Variants in NFIB observed in about 807,000 individuals in gnomAD.
NFIB encodes nuclear factor I B, also known as nuclear factor 1 B-type.
In NFIB, 11 loss-of-function variants were observed where a neutral mutation model predicts 61.5. The observed-to-expected ratio is 0.18, with a 90% CI of 0.11 to 0.30. NFIB has a LOEUF of 0.30. NFIB is among the 10% of genes least tolerant of loss of function. NFIB has a pLI of 1.00. For synonymous variants in NFIB, 260 were observed against 216.5 expected (o/e 1.20, Z -1.76); for missense variants, 471 against 608.9 (o/e 0.77, Z 2.38).
chr9:14,398,468 G>A lies in NFIB; in HGVS notation c.108+56C>T, dbSNP rs2061709719. ...CCCCACACTGAGACACATTGTCTAA[G>A]AAGTTGGGACCTATTTGAAAGAAAA... On this transcript the variant is annotated intron_variant, in intron 1 of 8. Transcript: ENST00000380934. The A allele has an allele frequency of 1.0e-5, 13 of 1,266,326 alleles. No individual in the cohort carries two copies. The East Asian group carries it at 2.8e-4, about 27-fold the overall frequency. The allele number at this position is 1,266,326 out of a possible 1,614,324, so 78.4% of individuals were successfully genotyped here.
intron 1 of NFIB, among the ~76,000 whole-genome samples, chr9:14,346,270 A>T (rs2061018300): frequency 6.8e-6 from 1 of 146,090 alleles, no homozygotes; most frequent in East Asian, 2.0e-4. Flanking sequence ...TCATATCCGC[A>T]GTCACACGAG....
the NFIB span, among the ~76,000 whole-genome samples, chr9:14,455,980 T>C: frequency 1.3e-5 from 2 of 152,182 alleles, no homozygotes; most frequent in Non-Finnish European, 2.9e-5. Flanking sequence ...GTATCATTAA[T>C]AGTCAGTGGG....
At chr9:14,433,996 A>G in the NFIB span, among the ~76,000 whole-genome samples, 3 of 152,144 alleles carry the variant, frequency 2.0e-5, no homozygotes, top group Admixed American at 6.5e-5. Flanking sequence ...AGTACTAACC[A>G]CTATACGATC....
At chr9:14,338,622 C>A (rs1157270623) in intron 1 of NFIB, among the ~76,000 whole-genome samples, 1 of 152,096 alleles carries the variant, frequency 6.6e-6, no homozygotes, top group Non-Finnish European at 1.5e-5. Flanking sequence ...AAAGATTAAA[C>A]CAGAAAACAT....
the NFIB span, among the ~76,000 whole-genome samples, chr9:14,464,733 G>A: frequency 6.6e-6 from 1 of 152,150 alleles, no homozygotes; most frequent in Non-Finnish European, 1.5e-5. Flanking sequence ...GAACCCTAAA[G>A]ATCTCAGTGG....
chr9:14,163,768 T>C (rs2044462802), intron 3 of NFIB, among the ~76,000 whole-genome samples: 1 of 151,962 alleles, frequency 6.6e-6, no homozygotes, highest in Admixed American at 6.6e-5. Context: ...TACTGATATG[T>C]TCATGGAACT....
chr9:14,415,378 A>G, the NFIB span, among the ~76,000 whole-genome samples: 1 of 152,190 alleles, frequency 6.6e-6, no homozygotes, highest in Non-Finnish European at 1.5e-5. Context: ...GACTTATACC[A>G]TATACTATGT....
chr9:14,160,608 T>C (rs1038591413), intron 3 of NFIB, among the ~76,000 whole-genome samples: 8 of 152,062 alleles, frequency 5.3e-5, no homozygotes, highest in Admixed American at 4.6e-4. Context: ...TAAAAAGGCA[T>C]GTGAAATTTT....
chr9:14,498,183 C>T, the NFIB span, among the ~76,000 whole-genome samples: 1 of 152,194 alleles, frequency 6.6e-6, no homozygotes, highest in African/African-American at 2.4e-5. Context: ...GACTTAAATC[C>T]AGATCATTTT....
intron 1 of NFIB, among the ~76,000 whole-genome samples, chr9:14,335,053 G>C (rs1564014915): frequency 6.6e-6 from 1 of 152,094 alleles, no homozygotes; most frequent in East Asian, 1.9e-4. Context: ...CCATTGTATT[G>C]TATAACATAA....
chr9:14,209,711 G>A (rs780673991), intron 2 of NFIB, among the ~76,000 whole-genome samples: 2 of 152,196 alleles, frequency 1.3e-5, no homozygotes, highest in Non-Finnish European at 2.9e-5. Context: ...AAGCCCAGAC[G>A]CACTGAAAAG....
intron 1 of NFIB, chr9:14,362,064 CATTA>C (rs2061247502): frequency 6.6e-6 from 1 of 152,206 alleles, no homozygotes; most frequent in African/African-American, 2.4e-5. Context: ...GGCCTCTCTA[CATTA>C]ATTGTTTTCT....
In NFIB at chr9:14,307,397, C is replaced by G; in HGVS notation, c.154G>C (p.Asp52His). Residue 52 changes from aspartate (D) to histidine (H), a missense_variant, in exon 2 of 11, where the codon GAT becomes CAT. Transcript: ENST00000380953. This position sits in a 1 kb window ranked among gnomAD's most constrained non-coding sequence, Gnocchi z 5.3. The part of the protein sequence containing the change: ...FKKHEKRMSK[D>H]EERAVKDELL... ...TCATCTTTGACTGCTCTTTCTTCAT[C>G]CTTTGACATTCGCTTCTCATGCTTT... The G allele has an allele frequency of 6.2e-7, 1 of 1,614,010 alleles. No homozygotes were observed. The highest frequency in any genetic ancestry group is 8.5e-7 in the Non-Finnish European group (1 of 1,180,008).
chr9:14,234,271 A>G (rs2053511172), intron 2 of NFIB, among the ~76,000 whole-genome samples: 1 of 152,228 alleles, frequency 6.6e-6, no homozygotes, highest in Non-Finnish European at 1.5e-5. Flanking sequence ...AAAGTACTAG[A>G]ACAAAAATCA....
chr9:14,484,726 A>G, the NFIB span, among the ~76,000 whole-genome samples: 2 of 152,220 alleles, frequency 1.3e-5, no homozygotes, highest in South Asian at 4.1e-4. Flanking sequence ...GACCATCTGC[A>G]ATACGCCAGA....
chr9:14,154,436 C>G (rs1031118474), intron 4 of NFIB, among the ~76,000 whole-genome samples: 2 of 152,146 alleles, frequency 1.3e-5, no homozygotes, highest in Non-Finnish European at 2.9e-5. Context: ...CCTGATGCTA[C>G]AAAGTGCTAC....
chr9:14,089,948 A>C (rs1159344841), intron 10 of NFIB, among the ~76,000 whole-genome samples: 1 of 152,156 alleles, frequency 6.6e-6, no homozygotes, highest in Non-Finnish European at 1.5e-5. Flanking sequence ...TTTGTGCTCA[A>C]GGGATTTTAT....
At chr9:14,520,507 G>A in the NFIB span, among the ~76,000 whole-genome samples, 15 of 152,114 alleles carry the variant, frequency 9.9e-5, no homozygotes, top group Non-Finnish European at 1.5e-4. Flanking sequence ...GTTCTGCAGC[G>A]GTGCCACAGA....
intron 2 of NFIB, among the ~76,000 whole-genome samples, chr9:14,294,049 T>C (rs1031248917): frequency 3.3e-5 from 5 of 152,240 alleles, no homozygotes; most frequent in African/African-American, 9.6e-5. Flanking sequence ...GCACATGTTT[T>C]ATATTATACG....
Sources: allele counts gnomAD v4.1 joint callset (sites outside exome capture counted in the v4.1 genomes callset), GRCh38; gene constraint gnomAD v4.1.1; non-coding constraint Gnocchi (gnomAD v3.1); transcripts MANE v1.5; gene names NCBI Gene and HGNC (gene_info 2026-07-23, HGNC 2026-07-21).